Variants in EP300 observed in about 807,000 individuals in gnomAD.
EP300 encodes EP300 lysine acetyltransferase, also known as histone acetyltransferase p300.
Under a neutral mutation model 264.0 loss-of-function variants are expected in EP300, and 31 were observed. That is an observed-to-expected ratio of 0.12 (90% confidence interval 0.09 to 0.16). The LOEUF is 0.16. Ranked by LOEUF, EP300 falls within the 10% of genes least tolerant of loss-of-function variation. The pLI is 1.00. For synonymous variants in EP300, 1,340 were observed against 1,045.4 expected, an observed-to-expected ratio of 1.28 and a Z score of -5.44; for missense variants, 2,766 against 3,052.9, an observed-to-expected ratio of 0.91 and a Z score of 2.21.
intron 21 of EP300, 101 bp from the exon 22 acceptor site, chr22:41,163,952 T>G: frequency 9.4e-7 from 1 of 1,065,356 alleles, no homozygotes; most frequent in Non-Finnish European, 1.5e-6. Flanking sequence ...AGTTCTTTGG[T>G]CATGACCTTG....
chr22:41,172,680 T>C lies in EP300; in HGVS notation c.4617+17T>C. The C allele has an allele frequency of 4.4e-6, 7 of 1,609,168 alleles. No homozygotes were observed. Among genetic ancestry groups the C allele is most frequent in the Non-Finnish European group, 3.4e-6 (4 of 1,177,228 alleles). ...AGCACAGATGTAAGGGCATTGAGTT[T>C]CCTTTGAAACTTCTATCATGATTCT... On this transcript the variant is annotated intron_variant, in intron 28 of 30. Coordinates refer to ENST00000263253, the MANE Select transcript of EP300 (RefSeq NM_001429.4).
At chr22:41,111,454 A>C (rs548687613) in intron 1 of EP300, among the ~76,000 whole-genome samples, 125 of 152,300 alleles carry the variant, frequency 8.2e-4, no homozygotes. Context: ...GTGTGATGAT[A>C]TATGTATTTG....
intron 27 of EP300, among the ~76,000 whole-genome samples, chr22:41,172,187 T>C (rs1316401074): frequency 5.3e-5 from 8 of 152,170 alleles, no homozygotes; most frequent in Admixed American, 5.2e-4. Context: ...GTAGGGGCCA[T>C]GGCATGCATG....
At chr22:41,128,322 T>G (rs946444807) in intron 4 of EP300, among the ~76,000 whole-genome samples, 4 of 151,952 alleles carry the variant, frequency 2.6e-5, no homozygotes, top group Non-Finnish European at 5.9e-5. Context: ...CAGCCAGATG[T>G]CTGGGTGTGT....
At position 41,177,800 on chromosome 22, in the gene EP300, A is replaced by G; in HGVS notation, c.6089A>G (p.Gln2030Arg). Residue 2030 changes from glutamine to arginine, a missense_variant, in exon 31 of 31, where the codon CAA becomes CGA. Coordinates refer to ENST00000263253, the MANE Select transcript of EP300 (RefSeq NM_001429.4). ...QHGQPLNMAP[Q>R]PGLGQVGISP... ...GGTCAACCTTTGAACATGGCTCCAC[A>G]ACCAGGATTGGGCCAGGTAGGTATC... 1.2e-6 allele frequency: 2 copies of G among 1,614,076 alleles called. No individual in the cohort carries two copies. The highest frequency in any genetic ancestry group is 1.7e-6 in the Non-Finnish European group (2 of 1,180,034).
At chr22:41,157,017 A>G (rs1051633274) in intron 17 of EP300, 152 bp from the exon 18 acceptor site, 6 of 859,312 alleles carry the variant, frequency 7.0e-6, no homozygotes, top group Middle Eastern at 3.5e-4. Context: ...TAATATTTAA[A>G]GAAGTGATGG....
At chr22:41,101,508 T>C (rs987512451) in intron 1 of EP300, among the ~76,000 whole-genome samples, 1 of 150,878 alleles carries the variant, frequency 6.6e-6, no homozygotes, top group African/African-American at 2.4e-5. Context: ...GCCTCCTGGG[T>C]TCATGCCATT....
chr22:41,169,267 G>C (rs1222961455), intron 25 of EP300: 3 of 582,222 alleles, frequency 5.2e-6, no homozygotes, highest in African/African-American at 3.7e-5. Context: ...AATACTGATT[G>C]ATGTGTATGT....
chr22:41,166,016 C>G (rs1021737422), intron 22 of EP300, among the ~76,000 whole-genome samples: 8 of 152,080 alleles, frequency 5.3e-5, no homozygotes, highest in Admixed American at 3.3e-4. Context: ...AACTCCTGAC[C>G]TCAAAAGATC....
chr22:41,136,217 G>A (rs2145720987), intron 7 of EP300, among the ~76,000 whole-genome samples: 1 of 152,302 alleles, frequency 6.6e-6, no homozygotes. Flanking sequence ...GTAGAGACAG[G>A]GTTTCACTGT....
At chr22:41,101,892 G>T (rs776913729) in intron 1 of EP300, among the ~76,000 whole-genome samples, 26 of 152,056 alleles carry the variant, frequency 1.7e-4, no homozygotes, top group Non-Finnish European at 3.7e-4. Flanking sequence ...GTGCTCCAAA[G>T]AATTTTTTTA....
chr22:41,120,419 C>T (rs1240021165), intron 2 of EP300, among the ~76,000 whole-genome samples: 1 of 152,172 alleles, frequency 6.6e-6, no homozygotes, highest in Non-Finnish European at 1.5e-5. Flanking sequence ...GAATTATACT[C>T]ATTACATTTC....
chr22:41,171,160 G>T (rs55932135), intron 27 of EP300, among the ~76,000 whole-genome samples: 1 of 151,446 alleles, frequency 6.6e-6, no homozygotes. Context: ...ATTTTTGGGG[G>T]GAGGGTGGGG....
intron 13 of EP300, 127 bp from the exon 14 acceptor site, chr22:41,149,634 T>C: frequency 9.8e-7 from 1 of 1,017,514 alleles, no homozygotes; most frequent in Non-Finnish European, 1.5e-6. Flanking sequence ...TTTACACATT[T>C]TGAAATAGAC....
intron 2 of EP300, among the ~76,000 whole-genome samples, chr22:41,123,934 T>C (rs998285301): frequency 2.6e-5 from 4 of 152,214 alleles, no homozygotes; most frequent in Non-Finnish European, 4.4e-5. Context: ...AACATAAATA[T>C]AGAACATAAA....
intron 26 of EP300, 94 bp from the exon 27 acceptor site, chr22:41,170,312 G>T: frequency 1.7e-6 from 2 of 1,206,908 alleles, no homozygotes; most frequent in South Asian, 1.3e-5. Context: ...AAAAATTATT[G>T]GTATCTATAT....
At chr22:41,119,201 T>TA (rs1555906159) in intron 2 of EP300, among the ~76,000 whole-genome samples, 3 of 145,376 alleles carry the variant, frequency 2.1e-5, no homozygotes, top group Non-Finnish European at 3.0e-5. Context: ...TTTTTTTTTT[T>TA]AAGAGATGGG....
intron 22 of EP300, 44 bp downstream of exon 22, chr22:41,164,174 G>C: frequency 6.4e-7 from 1 of 1,555,716 alleles, no homozygotes; most frequent in Non-Finnish European, 8.9e-7. Context: ...TTTCTTTATC[G>C]TGAATATTAA....
At chr22:41,164,573 G>A (rs772724170) in intron 22 of EP300, among the ~76,000 whole-genome samples, 2 of 152,140 alleles carry the variant, frequency 1.3e-5, no homozygotes, top group Non-Finnish European at 2.9e-5. Flanking sequence ...TTAGCCTGGC[G>A]TGGTGGTGCA....
Sources: allele counts gnomAD v4.1 joint callset (sites outside exome capture counted in the v4.1 genomes callset), GRCh38; gene constraint gnomAD v4.1.1; transcripts MANE v1.5; gene names NCBI Gene and HGNC (gene_info 2026-07-23, HGNC 2026-07-21).